Variants in ZNF385D observed in about 807,000 individuals in gnomAD.
The protein encoded by ZNF385D is zinc finger protein 659.
Under a neutral mutation model 35.8 loss-of-function variants are expected in ZNF385D, and 15 were observed. The observed-to-expected ratio is 0.42, with a 90% CI of 0.28 to 0.64. ZNF385D has a LOEUF of 0.64. Among genes scored for constraint, ZNF385D ranks in the 30% least tolerant of loss-of-function variants. ZNF385D has a pLI of 0.23. For missense variants in ZNF385D, 474 were observed against 494.6 expected (o/e 0.96, Z 0.39); for synonymous variants, 212 against 186.8 (o/e 1.13, Z -1.10).
chr3:21,722,646 T>C (rs1301046016), intron 1 of ZNF385D, among the ~76,000 whole-genome samples: 1 of 152,210 alleles, frequency 6.6e-6, no homozygotes, highest in Non-Finnish European at 1.5e-5. Flanking sequence ...ATTCCATGTC[T>C]CACACCTCAC....
chr3:21,507,256 T>C (rs1273227362), intron 4 of ZNF385D, among the ~76,000 whole-genome samples: 4 of 152,130 alleles, frequency 2.6e-5, no homozygotes, highest in African/African-American at 9.7e-5. Context: ...TTTCTTCCCC[T>C]TTTCACTATT....
At chr3:21,822,956 A>C (rs986650061) in intron 3 of ZNF385D, among the ~76,000 whole-genome samples, 1 of 152,188 alleles carries the variant, frequency 6.6e-6, no homozygotes, top group African/African-American at 2.4e-5. Flanking sequence ...TGAATTACTC[A>C]AAATTCAGAA....
chr3:22,206,435 T>C (rs1559451940), intron 2 of ZNF385D, among the ~76,000 whole-genome samples: 2 of 151,970 alleles, frequency 1.3e-5, no homozygotes, highest in African/African-American at 2.4e-5. Flanking sequence ...ATGGACCTAA[T>C]AGATATTTAC....
intron 3 of ZNF385D, among the ~76,000 whole-genome samples, chr3:21,523,275 A>T (rs1009574743): frequency 6.6e-6 from 1 of 152,234 alleles, no homozygotes; most frequent in East Asian, 1.9e-4. Flanking sequence ...ACCACAAAGT[A>T]TGAACGGAAG....
intron 3 of ZNF385D, among the ~76,000 whole-genome samples, chr3:21,953,023 A>G (rs1399804444): frequency 6.6e-6 from 1 of 151,970 alleles, no homozygotes; most frequent in East Asian, 1.9e-4. Flanking sequence ...TCAAGATTGC[A>G]GGTATCTAGT....
intron 3 of ZNF385D, among the ~76,000 whole-genome samples, chr3:22,052,854 G>A (rs1430184746): frequency 1.2e-4 from 1 of 8,330 alleles, no homozygotes. Context: ...CAGTCTGCCC[G>A]TTCTCAGATC....
intron 3 of ZNF385D, among the ~76,000 whole-genome samples, chr3:21,538,607 G>T (rs775979342): frequency 1.3e-5 from 2 of 151,962 alleles, no homozygotes; most frequent in African/African-American, 4.8e-5. Flanking sequence ...AGATGGCAGG[G>T]TCAAAATTTT....
chr3:22,007,137 C>G (rs1054481872), intron 3 of ZNF385D, among the ~76,000 whole-genome samples: 2 of 152,138 alleles, frequency 1.3e-5, no homozygotes, highest in African/African-American at 4.8e-5. Context: ...AGAGAAGTTT[C>G]AATCTCATCC....
chr3:22,042,701 A>G (rs996050905), intron 3 of ZNF385D, among the ~76,000 whole-genome samples: 1 of 152,140 alleles, frequency 6.6e-6, no homozygotes, highest in African/African-American at 2.4e-5. Flanking sequence ...GAGTCTTCTC[A>G]CTAAGAAAAG....
At chr3:21,652,465 A>G (rs1377130291) in intron 2 of ZNF385D, among the ~76,000 whole-genome samples, 1 of 152,088 alleles carries the variant, frequency 6.6e-6, no homozygotes, top group African/African-American at 2.4e-5. Context: ...AAGTATTAAT[A>G]TATTTTTTTA....
intron 3 of ZNF385D, among the ~76,000 whole-genome samples, chr3:22,144,269 G>A (rs532362463): frequency 2.0e-5 from 3 of 152,206 alleles, no homozygotes; most frequent in Admixed American, 1.3e-4. Flanking sequence ...AACTTGAAGA[G>A]ATTTTATACA....
intron 4 of ZNF385D, among the ~76,000 whole-genome samples, chr3:21,503,186 C>T (rs867406095): frequency 2.6e-5 from 4 of 152,174 alleles, no homozygotes; most frequent in Middle Eastern, 3.4e-3. Flanking sequence ...ATTATGAAGA[C>T]TTGGAATAGT....
chr3:21,546,417 C>G (rs1330408173), intron 3 of ZNF385D, among the ~76,000 whole-genome samples: 4 of 152,044 alleles, frequency 2.6e-5, no homozygotes, highest in Admixed American at 2.6e-4. Context: ...ACCATTCACC[C>G]AAATCCCAGC....
chr3:21,422,499 A>G (rs1017543994), intron 7 of ZNF385D, among the ~76,000 whole-genome samples: 2 of 152,194 alleles, frequency 1.3e-5, no homozygotes, highest in African/African-American at 4.8e-5. Flanking sequence ...CTATGAGGCC[A>G]GCATCATCCT....
At chr3:22,013,182 T>C (rs1374055570) in intron 3 of ZNF385D, among the ~76,000 whole-genome samples, 1 of 152,126 alleles carries the variant, frequency 6.6e-6, no homozygotes, top group Non-Finnish European at 1.5e-5. Flanking sequence ...ACTGAAAATA[T>C]ATATCTGTTG....
chr3:22,244,393 T>TAAAAAAAAAAAAAAAAAAAAAAAAAAAAA (rs1699663536), intron 2 of ZNF385D, among the ~76,000 whole-genome samples: 1 of 90,876 alleles, frequency 1.1e-5, no homozygotes. Flanking sequence ...AAAAAAAAAA[T>TAAAAAAAAAAAAAAAAAAAAAAAAAAAAA]GAAAACATAA....
chr3:21,953,269 T>C (rs1702144554), intron 3 of ZNF385D, among the ~76,000 whole-genome samples: 1 of 151,874 alleles, frequency 6.6e-6, no homozygotes. Context: ...AAACTTTTTT[T>C]TTTTTCCTCT....
intron 2 of ZNF385D, among the ~76,000 whole-genome samples, chr3:22,170,974 T>C (rs1405548460): frequency 1.3e-5 from 2 of 152,176 alleles, no homozygotes; most frequent in African/African-American, 4.8e-5. Context: ...ACGTAGAGTA[T>C]ATTTACTACC....
intron 2 of ZNF385D, among the ~76,000 whole-genome samples, chr3:22,290,760 T>C (rs961598329): frequency 2.6e-5 from 4 of 152,092 alleles, no homozygotes; most frequent in South Asian, 2.1e-4. Flanking sequence ...TCAGAAGTAA[T>C]TGATCTGTGT....
Sources: gnomAD v4.1 joint callset for allele counts (sites outside exome capture counted in the v4.1 genomes callset) on GRCh38, gnomAD v4.1.1 for gene constraint, MANE v1.5 for transcripts, NCBI Gene and HGNC (gene_info 2026-07-23, HGNC 2026-07-21) for gene names.